Variants in OR2F2 observed in about 807,000 individuals in gnomAD.
The protein encoded by OR2F2 is olfactory receptor 2F2.
For missense variants in OR2F2, 375 were observed against 380.2 expected, an observed-to-expected ratio of 0.99 and a Z score of 0.11; for synonymous variants, 161 against 159.0, an observed-to-expected ratio of 1.01 and a Z score of -0.09.
rs761503424 is a variant in OR2F2 at position 143,935,366 on chromosome 7, T to C, written c.134T>C (p.Ile45Thr). The part of the protein sequence containing the change: ...YLMTVLGNCL[I>T]VLLIRLDSRL... ...ATGACAGTGCTGGGGAACTGTCTCA[T>C]TGTCCTTCTGATCAGACTGGACAGC... Residue 45 changes from isoleucine (I) to threonine (T), a missense_variant, in exon 1 of 1, where the codon ATT becomes ACT. Coordinates refer to ENST00000408955, the MANE Select transcript of OR2F2 (RefSeq NM_001004685.1). The C allele has an allele frequency of 1.2e-6, 2 of 1,614,214 alleles. No homozygotes were observed. Among genetic ancestry groups the C allele is most frequent in the Non-Finnish European group, 1.7e-6 (2 of 1,180,030 alleles).
chr7:143,935,785 G>C lies in OR2F2; in HGVS notation c.553G>C (p.Val185Leu), dbSNP rs762382941. ...CATATCCTGTGAACTCCTAGCTGTG[G>C]TCAGGCTGGCTTGTGTGGACACCTC... ...DHISCELLAV[V>L]RLACVDTSSN... Residue 185 changes from valine to leucine, a missense_variant, in exon 1 of 1, where the codon GTC (valine) becomes CTC (leucine). Coordinates refer to ENST00000408955, the MANE Select transcript of OR2F2 (RefSeq NM_001004685.1). 12 of 1,614,082 alleles carry C rather than the reference G, an allele frequency of 7.4e-6. No individual in the cohort carries two copies. In the Admixed American group the frequency reaches 2.0e-4, roughly 27 times the overall value.
At position 143,935,952 on chromosome 7, in the gene OR2F2, G is replaced by A. The variant is rs1333691116; in HGVS notation, c.720G>A (p.Thr240=). The change falls in exon 1 of 1, where the codon ACG becomes ACA. Residue 240 remains threonine (T), a synonymous_variant. Coordinates refer to ENST00000408955, the MANE Select transcript of OR2F2 (RefSeq NM_001004685.1). ...AAGGAAGAAAGAAAGCCTTCCACAC[G>A]TGTGCCTCTCACCTCACGGTGGTTG... is the stretch of plus-strand genomic sequence containing the variant. ...SREGRKKAFH[T]CASHLTVVAL... is the part of the protein sequence containing the mutation. 7.4e-6 allele frequency: 12 copies of A among 1,613,928 alleles called. No homozygotes were observed. Among genetic ancestry groups the A allele is most frequent in the Admixed American group, 1.7e-5 (1 of 59,996 alleles).
chr7:143,936,051 G>C lies in OR2F2; in HGVS notation c.819G>C (p.Leu273=). 1.9e-6 allele frequency: 3 copies of C among 1,614,058 alleles called. No individual in the cohort carries two copies. Among genetic ancestry groups the C allele is most frequent in the East Asian group, 2.2e-5 (1 of 44,878 alleles). The change falls in exon 1 of 1, where the codon CTG becomes CTC. Residue 273 remains leucine, a synonymous_variant. Coordinates refer to ENST00000408955, the MANE Select transcript of OR2F2 (RefSeq NM_001004685.1). ...GTCCCTCAGTCCTTCAAGAGAAGCT[G>C]ATCTCTGTCTTCTATGCCATTGTTA... ...HSGPSVLQEK[L]ISVFYAIVMP...
In OR2F2 at chr7:143,935,591, A is replaced by G. The variant is rs1430194795; in HGVS notation, c.359A>G (p.Tyr120Cys). The G allele has an allele frequency of 1.2e-6, 2 of 1,614,160 alleles. No individual in the cohort carries two copies. The highest frequency in any genetic ancestry group is 2.2e-5 in the East Asian group (1 of 44,886). The part of the protein sequence containing the change: ...IEFVLLAVMA[Y>C]DRHVAVSDRL... ...TTTGTTCTCCTGGCAGTGATGGCCT[A>G]TGACCGCCATGTGGCTGTGTCTGAC... Residue 120 changes from tyrosine (Y) to cysteine (C), a missense_variant, in exon 1 of 1, where the codon TAT becomes TGT. Transcript: ENST00000408955.
Position 143,935,335 on chromosome 7 carries a change from T to C in OR2F2, c.103T>C (p.Tyr35His), listed in dbSNP as rs946249512. ...ISLFSLFLVT[Y>H]LMTVLGNCLI... Reference sequence around the variant, plus strand: ...CCTGTTTTCCCTGTTCTTGGTCACATACCTCATGACAGTGCTGGGGAACTG... The same window carrying C: ...CCTGTTTTCCCTGTTCTTGGTCACACACCTCATGACAGTGCTGGGGAACTG... Residue 35 changes from tyrosine to histidine, a missense_variant, in exon 1 of 1, where the codon TAC (tyrosine) becomes CAC (histidine). Coordinates refer to ENST00000408955, the MANE Select transcript of OR2F2 (RefSeq NM_001004685.1). 1 of 1,614,100 alleles carries C rather than the reference T, an allele frequency of 6.2e-7. No homozygotes were observed. The highest frequency in any genetic ancestry group is 1.3e-5 in the African/African-American group (1 of 74,946).
Position 143,935,485 on chromosome 7 carries a change from T to C in OR2F2, c.253T>C (p.Phe85Leu). ...TSVVPQLLAHFLAEHKAIPFQ... is the reference protein window; with the variant it reads ...TSVVPQLLAHLLAEHKAIPFQ... ...CGTAGTCCCCCAGCTGCTGGCACAT[T>C]TTCTTGCAGAACATAAAGCCATCCC... Residue 85 changes from phenylalanine to leucine, a missense_variant, in exon 1 of 1, where the codon TTT becomes CTT. By Grantham distance (22) the Phe-to-Leu change is conservative. Coordinates refer to ENST00000408955, the MANE Select transcript of OR2F2 (RefSeq NM_001004685.1). The C allele has an allele frequency of 5.6e-6, 9 of 1,614,220 alleles. No homozygotes were observed. The highest frequency in any genetic ancestry group is 7.6e-6 in the Non-Finnish European group (9 of 1,180,056).
chr7:143,935,257 G>A lies in OR2F2; in HGVS notation c.25G>A (p.Val9Met), dbSNP rs774003227. 3 of 1,612,874 alleles carry A rather than the reference G, an allele frequency of 1.9e-6. No individual in the cohort carries two copies. Among genetic ancestry groups the A allele is most frequent in the African/African-American group, 1.3e-5 (1 of 75,008 alleles). Residue 9 changes from valine to methionine, a missense_variant, in exon 1 of 1, where the codon GTG (valine) becomes ATG (methionine). Transcript: ENST00000408955. Reference protein sequence around the residue: MEIDNQTWVREFILLGLSS... With the variant: MEIDNQTWMREFILLGLSS... Reference sequence around the variant, plus strand: ...AATGGAAATAGATAACCAGACGTGGGTGAGAGAATTTATTCTCCTTGGCTT... The same window carrying A: ...AATGGAAATAGATAACCAGACGTGGATGAGAGAATTTATTCTCCTTGGCTT...
At position 143,935,526 on chromosome 7, in the gene OR2F2, A is replaced by G. The variant is rs367725905; in HGVS notation, c.294A>G (p.Ala98=). ...AAGCCATCCCATTCCAGAGCTGTGCAGCCCAGTTATTTTTCTCCCTGGCCT... is the reference window on the plus strand; with the variant it reads ...AAGCCATCCCATTCCAGAGCTGTGCGGCCCAGTTATTTTTCTCCCTGGCCT... ...EHKAIPFQSC[A]AQLFFSLALG... The change falls in exon 1 of 1, where the codon GCA becomes GCG. Residue 98 remains alanine, a synonymous_variant. Transcript: ENST00000408955. 3 of 1,614,074 alleles carry G rather than the reference A, an allele frequency of 1.9e-6. No individual in the cohort carries two copies. Among genetic ancestry groups the G allele is most frequent in the Non-Finnish European group, 2.5e-6 (3 of 1,180,034 alleles).
At position 143,935,858 on chromosome 7, in the gene OR2F2, C is replaced by T. The variant is rs1814825262; in HGVS notation, c.626C>T (p.Thr209Ile). 1 of 1,614,114 alleles carries T rather than the reference C, an allele frequency of 6.2e-7. No homozygotes were observed. Among genetic ancestry groups the T allele is most frequent in the African/African-American group, 1.3e-5 (1 of 74,940 alleles). The change falls in exon 1 of 1, where the codon ACA (threonine) becomes ATA (isoleucine). Residue 209 changes from threonine (T) to isoleucine (I), a missense_variant. Thr to Ile is a moderately conservative substitution (Grantham distance 89). Transcript: ENST00000408955. ...GTGTCTAGCATTGTTCTTCTGATGA[C>T]ACCTTTCTGCCTGGTTCTGTTGTCC... is the stretch of plus-strand genomic sequence containing the variant. ...IMVSSIVLLMTPFCLVLLSYI... is the reference protein window; with the variant it reads ...IMVSSIVLLMIPFCLVLLSYI...
At position 143,935,595 on chromosome 7, in the gene OR2F2, C is replaced by A. The variant is rs1369816772; in HGVS notation, c.363C>A (p.Asp121Glu). 2 of 1,614,082 alleles carry A rather than the reference C, an allele frequency of 1.2e-6. No homozygotes were observed. The highest frequency in any genetic ancestry group is 1.3e-5 in the African/African-American group (1 of 74,940). The part of the protein sequence containing the change: ...EFVLLAVMAY[D>E]RHVAVSDRLR... ...TTCTCCTGGCAGTGATGGCCTATGA[C>A]CGCCATGTGGCTGTGTCTGACCGCC... Residue 121 changes from aspartate to glutamate, a missense_variant, in exon 1 of 1, where the codon GAC (aspartate) becomes GAA (glutamate). Coordinates refer to ENST00000408955, the MANE Select transcript of OR2F2 (RefSeq NM_001004685.1).
At position 143,936,141 on chromosome 7, in the gene OR2F2, A is replaced by C. The variant is rs778027391; in HGVS notation, c.909A>C (p.Lys303Asn). The C allele has an allele frequency of 6.2e-6, 10 of 1,610,138 alleles. No individual in the cohort carries two copies. Among genetic ancestry groups the C allele is most frequent in the African/African-American group, 1.3e-5 (1 of 74,612 alleles). ...AAGAGGTGAAGGGGGCCTGGCATAAACTATTAGAGAAATTCTCTGGGTTAA... is the reference window on the plus strand; with the variant it reads ...AAGAGGTGAAGGGGGCCTGGCATAACCTATTAGAGAAATTCTCTGGGTTAA... The part of the protein sequence containing the change: ...RNKEVKGAWH[K>N]LLEKFSGLTS... The change falls in exon 1 of 1, where the codon AAA becomes AAC. Residue 303 changes from lysine (K) to asparagine (N), a missense_variant. Transcript: ENST00000408955.
At position 143,935,322 on chromosome 7, in the gene OR2F2, G is replaced by C; in HGVS notation, c.90G>C (p.Leu30=). The part of the protein sequence containing the change: ...DWCTQISLFS[L]FLVTYLMTVL... Reference sequence around the variant, plus strand: ...GCACTCAGATATCCCTGTTTTCCCTGTTCTTGGTCACATACCTCATGACAG... The same window carrying C: ...GCACTCAGATATCCCTGTTTTCCCTCTTCTTGGTCACATACCTCATGACAG... The change falls in exon 1 of 1, where the codon CTG becomes CTC. Residue 30 remains leucine (L), a synonymous_variant. Coordinates refer to ENST00000408955, the MANE Select transcript of OR2F2 (RefSeq NM_001004685.1). The C allele has an allele frequency of 6.2e-7, 1 of 1,614,162 alleles. No individual in the cohort carries two copies. Among genetic ancestry groups the C allele is most frequent in the African/African-American group, 1.3e-5 (1 of 75,018 alleles).
chr7:143,935,463 A>G lies in OR2F2; in HGVS notation c.231A>G (p.Val77=). The G allele has an allele frequency of 6.2e-7, 1 of 1,614,200 alleles. No homozygotes were observed. The highest frequency in any genetic ancestry group is 8.5e-7 in the Non-Finnish European group (1 of 1,180,038). Residue 77 remains valine, a synonymous_variant, in exon 1 of 1, where the codon GTA becomes GTG. Transcript: ENST00000408955. ...TCGATGTCTCCTATGCCACAAGCGT[A>G]GTCCCCCAGCTGCTGGCACATTTTC... is the stretch of plus-strand genomic sequence containing the variant. ...SLVDVSYATS[V]VPQLLAHFLA... is the part of the protein sequence containing the mutation.
At position 143,935,697 on chromosome 7, in the gene OR2F2, C is replaced by T. The variant is rs376248277; in HGVS notation, c.465C>T (p.Asn155=). The T allele has an allele frequency of 1.3e-4, 216 of 1,614,128 alleles. No individual in the cohort carries two copies. The highest frequency in any genetic ancestry group is 1.7e-4 in the Non-Finnish European group (201 of 1,180,052). ...CATCCTGGGTCAGTGGCTCCATCAA[C>T]TCTCTTGTGCAGACTGCTATCACCT... ...AITSWVSGSI[N]SLVQTAITFQ... is the part of the protein sequence containing the mutation. The change falls in exon 1 of 1, where the codon AAC becomes AAT. Residue 155 remains asparagine (N), a synonymous_variant. Coordinates refer to ENST00000408955, the MANE Select transcript of OR2F2 (RefSeq NM_001004685.1).
rs775166890 is a variant in OR2F2, at chr7:143,936,071, T to C, written c.839T>C (p.Ile280Thr). The change falls in exon 1 of 1, where the codon ATT becomes ACT. Residue 280 changes from isoleucine to threonine, a missense_variant. Ile to Thr is a moderately conservative substitution (Grantham distance 89). Coordinates refer to ENST00000408955, the MANE Select transcript of OR2F2 (RefSeq NM_001004685.1). ...QEKLISVFYAIVMPLLNPVIY... is the reference protein window; with the variant it reads ...QEKLISVFYATVMPLLNPVIY... ...AAGCTGATCTCTGTCTTCTATGCCATTGTTATGCCTCTGCTGAACCCTGTG... is the reference window on the plus strand; with the variant it reads ...AAGCTGATCTCTGTCTTCTATGCCACTGTTATGCCTCTGCTGAACCCTGTG... 3.1e-6 allele frequency: 5 copies of C among 1,614,148 alleles called. No individual in the cohort carries two copies. The highest frequency in any genetic ancestry group is 4.2e-6 in the Non-Finnish European group (5 of 1,180,014).
At position 143,935,710 on chromosome 7, in the gene OR2F2, A is replaced by G. The variant is rs1319502093; in HGVS notation, c.478A>G (p.Thr160Ala). Residue 160 changes from threonine to alanine, a missense_variant, in exon 1 of 1, where the codon ACT becomes GCT. Transcript: ENST00000408955. ...TGGCTCCATCAACTCTCTTGTGCAG[A>G]CTGCTATCACCTTTCAGCTGCCCAT... The part of the protein sequence containing the change: ...VSGSINSLVQ[T>A]AITFQLPMCT... 10 of 1,614,104 alleles carry G rather than the reference A, an allele frequency of 6.2e-6. No homozygotes were observed. Among genetic ancestry groups the G allele is most frequent in the Non-Finnish European group, 8.5e-6 (10 of 1,180,046 alleles).
In OR2F2 at chr7:143,935,984, G is replaced by T; in HGVS notation, c.752G>T (p.Cys251Phe). 1.2e-6 allele frequency: 2 copies of T among 1,613,186 alleles called. No individual in the cohort carries two copies. Among genetic ancestry groups the T allele is most frequent in the Non-Finnish European group, 1.7e-6 (2 of 1,179,838 alleles). Residue 251 changes from cysteine to phenylalanine, a missense_variant, in exon 1 of 1, where the codon TGC becomes TTC. Physicochemically the swap from Cys to Phe is radical, Grantham distance 205. Coordinates refer to ENST00000408955, the MANE Select transcript of OR2F2 (RefSeq NM_001004685.1). Reference protein sequence around the residue: ...CASHLTVVALCYGTTIFTYIQ... With the variant: ...CASHLTVVALFYGTTIFTYIQ... ...TCTCACCTCACGGTGGTTGCCCTGTGCTACGGCACAACGATTTTCACTTAC... is the reference window on the plus strand; with the variant it reads ...TCTCACCTCACGGTGGTTGCCCTGTTCTACGGCACAACGATTTTCACTTAC...
rs1167289138 is a variant in OR2F2 at position 143,935,780 on chromosome 7, C to A, written c.548C>A (p.Ala183Asp). ...GATCACATATCCTGTGAACTCCTAG[C>A]TGTGGTCAGGCTGGCTTGTGTGGAC... Reference protein sequence around the residue: ...FIDHISCELLAVVRLACVDTS... With the variant: ...FIDHISCELLDVVRLACVDTS... The change falls in exon 1 of 1, where the codon GCT (alanine) becomes GAT (aspartate). Residue 183 changes from alanine to aspartate, a missense_variant. Transcript: ENST00000408955. 3 of 1,614,110 alleles carry A rather than the reference C, an allele frequency of 1.9e-6. No individual in the cohort carries two copies. The highest frequency in any genetic ancestry group is 3.3e-5 in the Admixed American group (2 of 60,004).
Position 143,935,924 on chromosome 7 carries a change from G to A in OR2F2, c.692G>A (p.Arg231Lys). The stretch of plus-strand genomic sequence containing the variant: ...TCCACCATCCTAAAGATCCAGTCCA[G>A]AGAAGGAAGAAAGAAAGCCTTCCAC... ...IISTILKIQS[R>K]EGRKKAFHTC... The change falls in exon 1 of 1, where the codon AGA becomes AAA. Residue 231 changes from arginine (R) to lysine (K), a missense_variant. Physicochemically the swap from Arg to Lys is conservative, Grantham distance 26 (BLOSUM62 2). Coordinates refer to ENST00000408955, the MANE Select transcript of OR2F2 (RefSeq NM_001004685.1). The A allele has an allele frequency of 6.2e-7, 1 of 1,614,080 alleles. No individual in the cohort carries two copies. The highest frequency in any genetic ancestry group is 8.5e-7 in the Non-Finnish European group (1 of 1,180,024).
Sources: gnomAD v4.1 joint callset for allele counts on GRCh38, gnomAD v4.1.1 for gene constraint, MANE v1.5 for transcripts, NCBI Gene and HGNC (gene_info 2026-07-23, HGNC 2026-07-21) for gene names.